The following ARHGAP20 variants were observed in gnomAD, a reference collection of about 807,000 sequenced individuals.
ARHGAP20 encodes Rho GTPase activating protein 20.
Under a neutral mutation model 73.7 loss-of-function variants are expected in ARHGAP20, and 34 were observed. The ratio of observed to expected loss-of-function variants is 0.46; its 90% CI spans 0.35 to 0.61. The LOEUF is 0.61. ARHGAP20 is among the 20% of genes least tolerant of loss of function. The pLI is 0.00. For synonymous variants in ARHGAP20, 523 were observed against 518.2 expected, an observed-to-expected ratio of 1.01 and a Z score of -0.13; for missense variants, 1,314 against 1,420.9, an observed-to-expected ratio of 0.92 and a Z score of 1.21.
chr11:110,581,761 A>G (rs559288523), intron 14 of ARHGAP20, among the ~76,000 whole-genome samples: 1 of 152,146 alleles, frequency 6.6e-6, no homozygotes, highest in South Asian at 2.1e-4. Context: ...TAATTGGCCA[A>G]AGATAACATA....
intron 11 of ARHGAP20, among the ~76,000 whole-genome samples, chr11:110,586,541 T>G (rs1449103479): frequency 1.3e-5 from 2 of 152,182 alleles, no homozygotes; most frequent in African/African-American, 4.8e-5. Context: ...GGAGTCTTCA[T>G]TACGGTGGGA....
At chr11:110,596,961 A>T (rs1445703011) in intron 9 of ARHGAP20, among the ~76,000 whole-genome samples, 1 of 152,066 alleles carries the variant, frequency 6.6e-6, no homozygotes, top group Non-Finnish European at 1.5e-5. Flanking sequence ...CTATGCAGCC[A>T]TAAAAAAGGA....
intron 1 of ARHGAP20, among the ~76,000 whole-genome samples, chr11:110,706,814 C>T (rs1488459666): frequency 1.3e-5 from 2 of 152,076 alleles, no homozygotes; most frequent in Admixed American, 6.5e-5. Flanking sequence ...TTTTATAATT[C>T]TAGGACCCTC....
In ARHGAP20 at chr11:110,608,993, G is replaced by T. The variant is rs1436378332; in HGVS notation, c.766C>A (p.Pro256Thr). The T allele has an allele frequency of 6.2e-7, 1 of 1,613,084 alleles. No homozygotes were observed. Among genetic ancestry groups the T allele is most frequent in the Non-Finnish European group, 8.5e-7 (1 of 1,179,396 alleles). ...VNSGKEEAPY[P>T]LIGHEYPYGI... Reference sequence around the variant, plus strand: ...TTTTGCAAAAACTTACCAATGAGTGGGTATGGAGCCTCTTCTTTGCCAGAA... The same window carrying T: ...TTTTGCAAAAACTTACCAATGAGTGTGTATGGAGCCTCTTCTTTGCCAGAA... Residue 256 changes from proline (P) to threonine (T), a missense_variant, in exon 8 of 15, where the codon CCA (proline) becomes ACA (threonine). Transcript: ENST00000683387.
Position 110,577,116 on chromosome 11 carries a change from T to C in ARHGAP20, c.*2254A>G. 12 of 1,533,998 alleles carry C rather than the reference T, an allele frequency of 7.8e-6. No homozygotes were observed. Among genetic ancestry groups the C allele is most frequent in the Non-Finnish European group, 9.6e-6 (11 of 1,145,974 alleles). On this transcript the variant is annotated 3_prime_UTR_variant, in exon 15 of 15. Transcript: ENST00000683387. ...TTCATACATATCCATTATCAGTGCC[T>C]TGAAAACCAAACAACTTTAAAAGTT...
intron 9 of ARHGAP20, 144 bp from the exon 10 acceptor site, chr11:110,592,299 C>T: frequency 3.1e-6 from 2 of 655,268 alleles, no homozygotes. Flanking sequence ...ACAATTCAAC[C>T]TATAAAATTT....
intron 4 of ARHGAP20, among the ~76,000 whole-genome samples, chr11:110,621,769 T>C (rs1166780792): frequency 1.3e-5 from 2 of 152,260 alleles, no homozygotes; most frequent in Non-Finnish European, 2.9e-5. Flanking sequence ...ATTGATTATC[T>C]TTTTCCTTGT....
chr11:110,614,485 T>C, intron 6 of ARHGAP20, 76 bp downstream of exon 6: 1 of 1,349,178 alleles, frequency 7.4e-7, no homozygotes, highest in South Asian at 1.3e-5. Context: ...GCCTGCCTGC[T>C]CTCTCTCTTC....
intron 2 of ARHGAP20, among the ~76,000 whole-genome samples, chr11:110,639,103 T>C (rs1354654344): frequency 2.6e-5 from 4 of 152,114 alleles, no homozygotes; most frequent in Non-Finnish European, 5.9e-5. Context: ...ATGTACTGTC[T>C]AGACACTGTG....
At chr11:110,637,985 A>G (rs1398468528) in intron 2 of ARHGAP20, among the ~76,000 whole-genome samples, 3 of 152,110 alleles carry the variant, frequency 2.0e-5, no homozygotes, top group Non-Finnish European at 2.9e-5. Flanking sequence ...GGGTACAGTC[A>G]TTGGTGTTTC....
intron 9 of ARHGAP20, among the ~76,000 whole-genome samples, chr11:110,595,936 C>G (rs1487581249): frequency 4.6e-5 from 7 of 152,030 alleles, no homozygotes; most frequent in African/African-American, 1.4e-4. Context: ...GTACTGGTAC[C>G]AAAACAGAGA....
chr11:110,656,551 C>T (rs1374804946), intron 2 of ARHGAP20, among the ~76,000 whole-genome samples: 1 of 152,114 alleles, frequency 6.6e-6, no homozygotes, highest in African/African-American at 2.4e-5. Context: ...GTTCCCTCTC[C>T]AAGAGGCAGA....
intron 2 of ARHGAP20, among the ~76,000 whole-genome samples, chr11:110,676,414 G>A (rs927118364): frequency 2.6e-5 from 4 of 152,140 alleles, no homozygotes; most frequent in Admixed American, 6.5e-5. Context: ...GGCAGAAGGG[G>A]AAGCAAACAT....
At chr11:110,690,958 T>C (rs200225301) in intron 1 of ARHGAP20, 636 of 1,486,748 alleles carry the variant, frequency 4.3e-4, no homozygotes, top group Non-Finnish European at 5.6e-4. Flanking sequence ...TGCTAAAGGC[T>C]GGACATGGAT....
chr11:110,588,068 A>G (rs755272940), intron 11 of ARHGAP20, among the ~76,000 whole-genome samples: 1 of 152,234 alleles, frequency 6.6e-6, no homozygotes, highest in African/African-American at 2.4e-5. Flanking sequence ...TTGAAGAAAA[A>G]CATCATTAAC....
At chr11:110,701,692 C>A (rs1317016776) in intron 1 of ARHGAP20, among the ~76,000 whole-genome samples, 1 of 152,126 alleles carries the variant, frequency 6.6e-6, no homozygotes, top group Non-Finnish European at 1.5e-5. Flanking sequence ...CCCAGGTTTT[C>A]TTCTAGGGTT....
chr11:110,625,630 G>A (rs888884927), intron 3 of ARHGAP20, among the ~76,000 whole-genome samples: 28 of 151,948 alleles, frequency 1.8e-4, no homozygotes, highest in Non-Finnish European at 1.8e-4. Context: ...CCTTGAAGGT[G>A]GTCTATTTTA....
intron 2 of ARHGAP20, among the ~76,000 whole-genome samples, chr11:110,653,446 A>G (rs1316674796): frequency 1.3e-5 from 2 of 152,256 alleles, no homozygotes; most frequent in Admixed American, 1.3e-4. Context: ...GAAGACATTT[A>G]TGTGGCTAAC....
intron 1 of ARHGAP20, among the ~76,000 whole-genome samples, chr11:110,691,268 G>A (rs747016234): frequency 1.3e-5 from 2 of 151,858 alleles, no homozygotes; most frequent in African/African-American, 4.8e-5. Context: ...AAGTTTATTC[G>A]ACTTGAATTA....
Sources: gnomAD v4.1 joint callset for allele counts (sites outside exome capture counted in the v4.1 genomes callset) on GRCh38, gnomAD v4.1.1 for gene constraint, MANE v1.5 for transcripts, NCBI Gene and HGNC (gene_info 2026-07-23, HGNC 2026-07-21) for gene names.